PCSK6: variants seen among roughly 807,000 people sequenced by gnomAD.
The protein encoded by PCSK6 is paired basic amino acid cleaving enzyme 4.
PCSK6 carries 85 observed loss-of-function variants against 123.3 expected under a neutral mutation model. That is an observed-to-expected ratio of 0.69 (90% CI 0.58 to 0.83). The LOEUF is 0.83. Among genes scored for constraint, PCSK6 ranks in the 40% least tolerant of loss-of-function variants. PCSK6 has a pLI of 0.00. For missense variants in PCSK6, 1,191 were observed against 1,282.3 expected (o/e 0.93, Z 1.09); for synonymous variants, 508 against 516.0 (o/e 0.98, Z 0.21).
intron 13 of PCSK6, chr15:101,364,993 A>G (rs777938995): frequency 1.3e-6 from 1 of 778,752 alleles, no homozygotes; most frequent in South Asian, 1.3e-5. Flanking sequence ...GAGTGTGGAA[A>G]CGAACCTCTC....
At chr15:101,415,273 T>C (rs1309562116) in intron 6 of PCSK6, among the ~76,000 whole-genome samples, 2 of 152,186 alleles carry the variant, frequency 1.3e-5, no homozygotes, top group Non-Finnish European at 2.9e-5. Context: ...TGCCTAAAGG[T>C]ATCAGGCAGG....
At chr15:101,423,337 G>A (rs2056147351) in intron 6 of PCSK6, among the ~76,000 whole-genome samples, 1 of 149,494 alleles carries the variant, frequency 6.7e-6, no homozygotes, top group East Asian at 2.0e-4. Flanking sequence ...TCAGCTCACT[G>A]CAACCTCCGC....
intron 1 of PCSK6, among the ~76,000 whole-genome samples, chr15:101,475,314 G>GT (rs2057704239): frequency 6.6e-6 from 1 of 152,112 alleles, no homozygotes; most frequent in Non-Finnish European, 1.5e-5. Context: ...CAAACACTCT[G>GT]AACAGTGTTC....
intron 1 of PCSK6, among the ~76,000 whole-genome samples, chr15:101,447,233 C>A (rs1225371787): frequency 2.0e-5 from 3 of 152,106 alleles, no homozygotes; most frequent in Non-Finnish European, 4.4e-5. Flanking sequence ...TCTCTGGGTG[C>A]CTTCATGGGG....
intron 6 of PCSK6, among the ~76,000 whole-genome samples, chr15:101,422,464 C>T (rs2056112133): frequency 6.6e-6 from 1 of 152,108 alleles, no homozygotes; most frequent in Non-Finnish European, 1.5e-5. Flanking sequence ...AGGCTTTCCA[C>T]TGAAATACCA....
intron 8 of PCSK6, among the ~76,000 whole-genome samples, chr15:101,389,929 A>C (rs2042175985): frequency 6.6e-6 from 1 of 152,170 alleles, no homozygotes. Flanking sequence ...GGTCTGCCGG[A>C]CTTTGTGGCC....
In PCSK6 at chr15:101,447,623, G is replaced by A. The variant is rs57845957; in HGVS notation, c.298-3963C>T. On this transcript the variant is annotated intron_variant, in intron 1 of 21. Coordinates refer to ENST00000611716, the MANE Select transcript of PCSK6 (RefSeq NM_002570.5). ...GGACAGCGGTGGACTCAGGAAGGGG[G>A]CGGCCTAAAGACAAAATTCCAAATA... 7.6e-3 allele frequency among the ~76,000 whole-genome samples: 1,156 copies of A among 152,318 alleles called. 19 individuals carry two copies. Among genetic ancestry groups the A allele is most frequent in the African/African-American group, 0.026 (1,081 of 41,576 alleles).
At chr15:101,401,865 A>G (rs1042413208) in intron 6 of PCSK6, among the ~76,000 whole-genome samples, 17 of 152,234 alleles carry the variant, frequency 1.1e-4, no homozygotes, top group African/African-American at 3.9e-4. Flanking sequence ...TATAGATTCA[A>G]TGCCATCCCC....
At chr15:101,343,984 G>A (rs765852727) in intron 13 of PCSK6, among the ~76,000 whole-genome samples, 54 of 152,194 alleles carry the variant, frequency 3.5e-4, no homozygotes, top group Non-Finnish European at 7.6e-4. Context: ...GCTGAGGCAG[G>A]AGAATCACTT....
intron 15 of PCSK6, among the ~76,000 whole-genome samples, chr15:101,327,695 G>C (rs980482468): frequency 2.6e-5 from 4 of 152,194 alleles, no homozygotes; most frequent in Non-Finnish European, 5.9e-5. Context: ...CCCACAGTGG[G>C]GTTTTGCTGG....
intron 8 of PCSK6, 44 bp from the exon 9 acceptor site, chr15:101,389,608 C>T: frequency 1.3e-6 from 2 of 1,490,380 alleles, no homozygotes; most frequent in Non-Finnish European, 1.9e-6. Context: ...GGCAGACAGG[C>T]TAACTCACTC....
chr15:101,344,828 G>A (rs1460720884), intron 13 of PCSK6, among the ~76,000 whole-genome samples: 1 of 152,016 alleles, frequency 6.6e-6, no homozygotes, highest in African/African-American at 2.4e-5. Flanking sequence ...GCTAATTTTT[G>A]TATTTTTAGT....
intron 15 of PCSK6, among the ~76,000 whole-genome samples, chr15:101,329,295 C>T (rs868370503): frequency 4.6e-5 from 7 of 152,204 alleles, no homozygotes; most frequent in African/African-American, 9.7e-5. Flanking sequence ...TGCCGTTGCG[C>T]GCTCAGACCA....
Position 101,345,571 on chromosome 15 carries a change from G to A in PCSK6, c.1859-13540C>T, listed in dbSNP as rs1946597153. On this transcript the variant is annotated intron_variant, in intron 13 of 21. Coordinates refer to ENST00000611716, the MANE Select transcript of PCSK6 (RefSeq NM_002570.5). ...TTATATGAATTACGACACACACAGG[G>A]TTATTACACCAATATTTTACCAATA... Among the ~76,000 whole-genome samples, 8 of 152,326 alleles carry A rather than the reference G, an allele frequency of 5.3e-5. No homozygotes were observed. In the South Asian group the frequency reaches 1.7e-3, roughly 32 times the overall value.
intron 20 of PCSK6, among the ~76,000 whole-genome samples, chr15:101,310,664 C>A (rs181366623): frequency 6.6e-6 from 1 of 152,136 alleles, no homozygotes; most frequent in African/African-American, 2.4e-5. Context: ...TGCCGAGATA[C>A]GTAACCGCCA....
At chr15:101,408,372 C>A (rs34389821) in intron 6 of PCSK6, among the ~76,000 whole-genome samples, 10,257 of 152,274 alleles carry the variant, frequency 0.067, 454 homozygotes, top group East Asian at 0.17. Flanking sequence ...CTCAGCAGCC[C>A]TCTCAGGAAC....
chr15:101,326,537 T>G, intron 15 of PCSK6, 58 bp from the exon 16 acceptor site: 362 of 1,353,636 alleles, frequency 2.7e-4, no homozygotes, highest in Non-Finnish European at 3.3e-4. Context: ...TCTACTGCAG[T>G]CCCGCGGATC....
Position 101,421,616 on chromosome 15 carries a change from T to G in PCSK6, c.823+6276A>C, listed in dbSNP as rs187081349. On this transcript the variant is annotated intron_variant, in intron 6 of 21. Coordinates refer to ENST00000611716, the MANE Select transcript of PCSK6 (RefSeq NM_002570.5). ...CAACCCTCTGGAAAGGTACACACAG[T>G]GAGGAATCAGGGACTCCAGCCAACA... Among the ~76,000 whole-genome samples, 5 of 152,288 alleles carry G rather than the reference T, an allele frequency of 3.3e-5. No homozygotes were observed. The East Asian group carries it at 9.6e-4, about 29-fold the overall frequency.
intron 13 of PCSK6, among the ~76,000 whole-genome samples, chr15:101,362,227 A>G (rs1325558895): frequency 1.3e-5 from 2 of 152,206 alleles, no homozygotes; most frequent in African/African-American, 4.8e-5. Context: ...AAGTGCTGGA[A>G]TTACAGGCAT....
Sources: gnomAD v4.1 joint callset for allele counts (sites outside exome capture counted in the v4.1 genomes callset) on GRCh38, gnomAD v4.1.1 for gene constraint, MANE v1.5 for transcripts, NCBI Gene and HGNC (gene_info 2026-07-23, HGNC 2026-07-21) for gene names.